The following LEMD2 variants were observed in gnomAD, a reference collection of about 807,000 sequenced individuals.
LEMD2 encodes LEM domain-containing protein 2.
In LEMD2, 34 loss-of-function variants were observed where a neutral mutation model predicts 58.8. The ratio of observed to expected loss-of-function variants is 0.58; its 90% CI spans 0.44 to 0.77. LEMD2 has a LOEUF of 0.77. LEMD2 is among the 30% of genes least tolerant of loss of function. The pLI is 0.00. For synonymous variants in LEMD2, 298 were observed against 308.9 expected, an observed-to-expected ratio of 0.96 and a Z score of 0.37; for missense variants, 629 against 717.9, an observed-to-expected ratio of 0.88 and a Z score of 1.42.
rs1324202385 is a variant in LEMD2, at chr6:33,789,046, G to C, written c.71C>G (p.Thr24Ser). 5 of 1,557,398 alleles carry C rather than the reference G, an allele frequency of 3.2e-6. No individual in the cohort carries two copies. Among genetic ancestry groups the C allele is most frequent in the Non-Finnish European group, 4.3e-6 (5 of 1,158,960 alleles). ...GCGGTAGACATCCCGGGTGGTGTCG[G>C]TGATGGGTCCTGGCTGGAAGCCCAG... is the stretch of plus-strand genomic sequence containing the variant. ...QALGFQPGPI[T>S]DTTRDVYRNK... Residue 24 changes from threonine to serine, a missense_variant, in exon 1 of 9, where the codon ACC becomes AGC. Coordinates refer to ENST00000293760, the MANE Select transcript of LEMD2 (RefSeq NM_181336.4).
Position 33,788,656 on chromosome 6 carries a change from C to T in LEMD2, c.461G>A (p.Gly154Asp). Residue 154 changes from glycine (G) to aspartate (D), a missense_variant, in exon 1 of 9, where the codon GGC (glycine) becomes GAC (aspartate). By Grantham distance (94) the Gly-to-Asp change is moderately conservative. Transcript: ENST00000293760. ...CCAGCGGCGGGCCGCGAGACCCGGG[C>T]CCTGCGTGGCCCTGTCGGGCGTCCG... Reference protein sequence around the residue: ...DARTPDRATQGPGLAARRWWA... With the variant: ...DARTPDRATQDPGLAARRWWA... 1 of 1,296,354 alleles carries T rather than the reference C, an allele frequency of 7.7e-7. No homozygotes were observed. Among genetic ancestry groups the T allele is most frequent in the South Asian group, 2.3e-5 (1 of 43,090 alleles). 80.3% of individuals were successfully genotyped at this position (1,296,354 alleles called of 1,614,324 possible). A position where few individuals can be genotyped will look rare whatever the true frequency, so the allele number is the denominator to read the frequency against.
At chr6:33,781,452 G>A (rs1463191644) in intron 3 of LEMD2, 1 of 364,728 alleles carries the variant, frequency 2.7e-6, no homozygotes, top group Non-Finnish European at 4.9e-6. Flanking sequence ...CAGACAGATA[G>A]CTTCGGAAGG....
chr6:33,780,969 A>T, intron 4 of LEMD2, 108 bp downstream of exon 4: 1 of 718,974 alleles, frequency 1.4e-6, no homozygotes, highest in Non-Finnish European at 2.4e-6. Flanking sequence ...GTAGCCTAGT[A>T]CAAAAGCCAC....
At position 33,776,955 on chromosome 6, in the gene LEMD2, G is replaced by A. The variant is rs139196093; in HGVS notation, c.1360C>T (p.Arg454Trp). 12 of 1,612,730 alleles carry A rather than the reference G, an allele frequency of 7.4e-6. No homozygotes were observed. Among genetic ancestry groups the A allele is most frequent in the East Asian group, 2.2e-5 (1 of 44,874 alleles). ...VRDSLIPPQS[R>W]RRMKRVWDRA... is the part of the protein sequence containing the mutation. ...CCAGCGCCCCAGCCAGGGACTCACC[G>A]GCTCTGTGGAGGGATCAAGCTGTCG... is the stretch of plus-strand genomic sequence containing the variant. The change falls in exon 8 of 9, where the codon CGG becomes TGG. Residue 454 changes from arginine to tryptophan, a missense_variant and splice_region_variant. Arg to Trp is a moderately radical substitution (Grantham distance 101). This residue lies in a region of LEMD2 where 243 missense variants were observed against 336.8 expected (regional missense o/e 0.72). Transcript: ENST00000293760.
intron 2 of LEMD2, among the ~76,000 whole-genome samples, chr6:33,786,081 C>G (rs2127383077): frequency 6.6e-6 from 1 of 152,294 alleles, no homozygotes; most frequent in Non-Finnish European, 1.5e-5. Flanking sequence ...CAGCACAAGA[C>G]TCCTCCTGGT....
intron 7 of LEMD2, 25 bp downstream of exon 7, chr6:33,777,113 C>G: frequency 2.5e-6 from 4 of 1,610,530 alleles, no homozygotes; most frequent in Non-Finnish European, 3.4e-6. Flanking sequence ...GTCGGCAACC[C>G]TTTATTCACC....
intron 1 of LEMD2, among the ~76,000 whole-genome samples, chr6:33,787,468 TTAGC>T (rs1767704819): frequency 6.6e-6 from 1 of 152,250 alleles, no homozygotes; most frequent in African/African-American, 2.4e-5. Context: ...AAGACATACT[TTAGC>T]TTTTTCCTGT....
intron 6 of LEMD2, among the ~76,000 whole-genome samples, chr6:33,777,943 G>A (rs978158133): frequency 2.0e-5 from 3 of 152,224 alleles, no homozygotes; most frequent in Non-Finnish European, 4.4e-5. Context: ...GCAGAGCCCA[G>A]AAGGGGTGGG....
chr6:33,771,565 T>TA lies in LEMD2; in HGVS notation c.*1062dup, dbSNP rs1767292094. ...ACTCGCTGGAGAGGCTTCTCGCACTTAATAAGGCCCCCCGTCGGGGTGCTT... is the reference window on the plus strand; with the variant it reads ...ACTCGCTGGAGAGGCTTCTCGCACTTAAATAAGGCCCCCCGTCGGGGTGCTT... On this transcript the variant is annotated 3_prime_UTR_variant, in exon 9 of 9. Coordinates refer to ENST00000293760, the MANE Select transcript of LEMD2 (RefSeq NM_181336.4). 1.3e-5 allele frequency: 2 copies of TA among 152,180 alleles called. No individual in the cohort carries two copies. The highest frequency in any genetic ancestry group is 4.8e-5 in the African/African-American group (2 of 41,444). 9.4% of individuals were successfully genotyped at this position (152,180 alleles called of 1,614,324 possible). A position where few individuals can be genotyped will look rare whatever the true frequency, so the allele number is the denominator to read the frequency against.
intron 8 of LEMD2, chr6:33,776,742 T>G: frequency 3.4e-6 from 2 of 591,562 alleles, no homozygotes; most frequent in Non-Finnish European, 6.1e-6. Context: ...AGGTGTGGGA[T>G]TGTGCTTTCA....
intron 8 of LEMD2, among the ~76,000 whole-genome samples, chr6:33,775,251 C>T (rs986660943): frequency 1.3e-5 from 2 of 152,218 alleles, no homozygotes; most frequent in Admixed American, 1.3e-4. Context: ...AAACTTCCTG[C>T]CTGCCACCTT....
intron 5 of LEMD2, chr6:33,779,864 G>A (rs543115842): frequency 4.0e-5 from 19 of 470,976 alleles, no homozygotes; most frequent in African/African-American, 3.7e-4. Context: ...GGAACACCAG[G>A]CTAACATCCT....
At position 33,789,119 on chromosome 6, in the gene LEMD2, C is replaced by G; in HGVS notation, c.-3G>C. On this transcript the variant is annotated 5_prime_UTR_variant, in exon 1 of 9. Transcript: ENST00000293760. ...TCCAGGTCCGACAGGCCGGCCATGG[C>G]CAGGACGCCGCCCCCCGCCCGCCCC... 6.6e-7 allele frequency: 1 copy of G among 1,513,828 alleles called. No homozygotes were observed. The highest frequency in any genetic ancestry group is 8.8e-7 in the Non-Finnish European group (1 of 1,141,956). The allele number at this position is 1,513,828 out of a possible 1,614,324, so 93.8% of individuals were successfully genotyped here. A position where few individuals can be genotyped will look rare whatever the true frequency, so the allele number is the denominator to read the frequency against.
Position 33,781,109 on chromosome 6 carries a change from T to C in LEMD2, c.898A>G (p.Ile300Val), listed in dbSNP as rs1349417584. Residue 300 changes from isoleucine (I) to valine (V), a missense_variant, in exon 4 of 9, where the codon ATT becomes GTT. Ile to Val is a conservative substitution (Grantham distance 29). Around this residue, in one of 2 missense-constraint regions of LEMD2, gnomAD observed 243 missense variants for 336.8 expected, o/e 0.72. Transcript: ENST00000293760. Reference protein sequence around the residue: ...GNPENLKSKCIPVMEAQEYIA... With the variant: ...GNPENLKSKCVPVMEAQEYIA... ...TATTCTTGGGCTTCCATAACAGGAA[T>C]GCATTTGCTTTTTAGATTCTCTGGA... 6.2e-7 allele frequency: 1 copy of C among 1,613,660 alleles called. No individual in the cohort carries two copies. Among genetic ancestry groups the C allele is most frequent in the Admixed American group, 1.7e-5 (1 of 60,016 alleles).
At chr6:33,780,576 C>G (rs1249222021) in intron 4 of LEMD2, among the ~76,000 whole-genome samples, 2 of 143,860 alleles carry the variant, frequency 1.4e-5, no homozygotes, top group African/African-American at 2.5e-5. Flanking sequence ...TGACCCTCTC[C>G]AGGCCTCAGT....
At chr6:33,784,199 C>T (rs759548103) in intron 3 of LEMD2, among the ~76,000 whole-genome samples, 153 bp downstream of exon 3, 84 of 152,182 alleles carry the variant, frequency 5.5e-4, no homozygotes, top group African/African-American at 1.9e-3. Context: ...AGTGAGGAGG[C>T]GAGAAGGTGA....
chr6:33,776,394 C>G (rs1267012806), intron 8 of LEMD2, among the ~76,000 whole-genome samples: 1 of 152,178 alleles, frequency 6.6e-6, no homozygotes, highest in African/African-American at 2.4e-5. Context: ...CTACTGGGAA[C>G]ATGTTCTCTT....
intron 2 of LEMD2, among the ~76,000 whole-genome samples, chr6:33,786,241 G>A (rs1366299903): frequency 6.6e-6 from 1 of 152,270 alleles, no homozygotes; most frequent in Non-Finnish European, 1.5e-5. Context: ...AAATCTAAAT[G>A]TAGACTAAGA....
intron 2 of LEMD2, among the ~76,000 whole-genome samples, chr6:33,785,191 T>C (rs1389258815): frequency 1.3e-5 from 2 of 152,120 alleles, no homozygotes; most frequent in African/African-American, 2.4e-5. Flanking sequence ...CCTGGAGCCA[T>C]GCAAAGAATA....
Sources: gnomAD v4.1 joint callset for allele counts (sites outside exome capture counted in the v4.1 genomes callset) on GRCh38, gnomAD v4.1.1 for gene constraint, gnomAD v4.1.1 regional missense constraint, MANE v1.5 for transcripts, NCBI Gene and HGNC (gene_info 2026-07-23, HGNC 2026-07-21) for gene names.